Variants in UST observed in about 807,000 individuals in gnomAD.
UST encodes chondroitin sulfate 2-O-sulfotransferase.
A neutral mutation model predicts 45.6 loss-of-function variants in UST; 21 were observed. That is an observed-to-expected ratio of 0.46 (90% confidence interval 0.33 to 0.66). The LOEUF is 0.66. Ranked by LOEUF, UST falls within the 30% of genes least tolerant of loss-of-function variation. The pLI, the probability that UST is intolerant of heterozygous loss-of-function variation, is 0.02. For missense variants in UST, 463 were observed against 512.4 expected (o/e 0.90, Z 0.93); for synonymous variants, 215 against 200.6 (o/e 1.07, Z -0.61).
chr6:148,943,663 T>A (rs1028641501), intron 3 of UST, among the ~76,000 whole-genome samples: 5 of 152,218 alleles, frequency 3.3e-5, no homozygotes, highest in Admixed American at 6.5e-5. Context: ...CTTTTAAGAT[T>A]CTTTCCAGCC....
intron 1 of UST, among the ~76,000 whole-genome samples, chr6:148,827,205 A>G (rs1054559514): frequency 9.2e-5 from 14 of 152,236 alleles, no homozygotes; most frequent in African/African-American, 3.4e-4. Context: ...GACAGTTCCA[A>G]TTATCATCAG....
At chr6:148,764,895 C>G (rs888982604) in intron 1 of UST, among the ~76,000 whole-genome samples, 1 of 152,158 alleles carries the variant, frequency 6.6e-6, no homozygotes, top group Non-Finnish European at 1.5e-5. Flanking sequence ...CTAATCCTAG[C>G]AAGCCTGGGG....
At chr6:148,925,127 A>G (rs1353136865) in intron 2 of UST, among the ~76,000 whole-genome samples, 2 of 152,220 alleles carry the variant, frequency 1.3e-5, no homozygotes, top group African/African-American at 2.4e-5. Flanking sequence ...TGTACTAAAC[A>G]TGATTTTTAC....
At chr6:148,941,463 G>GTGTTTTTTCAGAGCC in intron 3 of UST, 29 bp downstream of exon 3, 1 of 1,570,524 alleles carries the variant, frequency 6.4e-7, no homozygotes, top group South Asian at 1.2e-5. Flanking sequence ...TTGTTAAATT[G>GTGTTTTTTCAGAGCC]TGTTTTGCTT....
chr6:148,806,905 T>G (rs561317311), intron 1 of UST, among the ~76,000 whole-genome samples: 1 of 152,292 alleles, frequency 6.6e-6, no homozygotes, highest in South Asian at 2.1e-4. Context: ...TATGGCGGCA[T>G]TAACCTATTC....
At chr6:149,015,326 G>A (rs1032520020) in intron 5 of UST, among the ~76,000 whole-genome samples, 1 of 152,242 alleles carries the variant, frequency 6.6e-6, no homozygotes, top group African/African-American at 2.4e-5. Context: ...TTTTTGTACA[G>A]TGTTGGCAAT....
intron 1 of UST, among the ~76,000 whole-genome samples, chr6:148,758,305 T>G (rs2114651934): frequency 6.6e-6 from 1 of 152,344 alleles, no homozygotes; most frequent in Non-Finnish European, 1.5e-5. Context: ...CCTTCCTGCT[T>G]CTTCTCTTCT....
At chr6:149,049,931 T>TCTCACACACACACA (rs1475301439) in intron 7 of UST, among the ~76,000 whole-genome samples, 8 of 134,546 alleles carry the variant, frequency 5.9e-5, no homozygotes, top group African/African-American at 2.3e-4. Flanking sequence ...TCTCTCTCTC[T>TCTCACACACACACA]CACACACACA....
intron 3 of UST, among the ~76,000 whole-genome samples, chr6:148,945,012 C>A (rs1473479602): frequency 6.6e-6 from 1 of 152,188 alleles, no homozygotes; most frequent in African/African-American, 2.4e-5. Context: ...CAGAGTGCTG[C>A]AGGTGTATTA....
intron 1 of UST, among the ~76,000 whole-genome samples, chr6:148,765,161 G>A (rs1776299030): frequency 6.6e-6 from 1 of 152,124 alleles, no homozygotes; most frequent in Admixed American, 6.5e-5. Context: ...TTCTTAAGGT[G>A]CCCAGATTTC....
intron 2 of UST, among the ~76,000 whole-genome samples, chr6:148,890,144 G>A (rs1221677766): frequency 6.6e-6 from 1 of 152,166 alleles, no homozygotes; most frequent in Non-Finnish European, 1.5e-5. Flanking sequence ...GATTTTCTAA[G>A]CAGTAGCCAT....
chr6:149,018,417 A>C (rs1178448303), intron 5 of UST, among the ~76,000 whole-genome samples: 1 of 152,194 alleles, frequency 6.6e-6, no homozygotes, highest in African/African-American at 2.4e-5. Flanking sequence ...GAAATACCTG[A>C]GAATGAGGCA....
At chr6:148,761,523 CAA>C (rs11386317) in intron 1 of UST, among the ~76,000 whole-genome samples, 3 of 144,910 alleles carry the variant, frequency 2.1e-5, no homozygotes, top group African/African-American at 5.0e-5. Context: ...GACAACGTGC[CAA>C]AAAAAAAAAA....
At chr6:148,993,889 C>A (rs1781400196) in intron 5 of UST, among the ~76,000 whole-genome samples, 1 of 152,044 alleles carries the variant, frequency 6.6e-6, no homozygotes, top group African/African-American at 2.4e-5. Flanking sequence ...TCCTGCACAG[C>A]CTGCAGATCA....
chr6:148,940,878 C>T (rs1310506531), intron 2 of UST, among the ~76,000 whole-genome samples: 1 of 152,124 alleles, frequency 6.6e-6, no homozygotes, highest in East Asian at 1.9e-4. Context: ...TCTATTATTG[C>T]ATTTTAAGAG....
chr6:148,906,536 C>A (rs1779364040), intron 2 of UST, among the ~76,000 whole-genome samples: 1 of 152,126 alleles, frequency 6.6e-6, no homozygotes, highest in Admixed American at 6.5e-5. Flanking sequence ...ACACAATGGT[C>A]ACTGAGGAGA....
chr6:148,991,530 GCCCCGGTGTGTGATGTTCCCCA>G (rs1424238979), intron 5 of UST, among the ~76,000 whole-genome samples: 1 of 112,012 alleles, frequency 8.9e-6, no homozygotes, highest in African/African-American at 3.7e-5. Flanking sequence ...CCCACGACAG[GCCCCGGTGTGTGATGTTCCCCA>G]CCCTGTGTCC....
At chr6:148,875,871 G>A (rs74842959) in intron 1 of UST, among the ~76,000 whole-genome samples, 1 of 152,320 alleles carries the variant, frequency 6.6e-6, no homozygotes, top group African/African-American at 2.4e-5. Flanking sequence ...TGAGGAAGTA[G>A]CGACCATTTA....
In UST at chr6:149,005,185, TG is replaced by T. The variant is rs199813593; in HGVS notation, c.682-13951del. On this transcript the variant is annotated intron_variant, in intron 5 of 7. Coordinates refer to ENST00000367463, the MANE Select transcript of UST (RefSeq NM_005715.3). ...CAGGCGAAGCAGAGCTCTTCTGGCT[TG>T]GGTAGGGCAGGAGGTCTTGGAGCCC... The T allele has an allele frequency of 2.0e-3, 961 of 483,922 alleles. 10 individuals are homozygous for T. The highest frequency in any genetic ancestry group is 0.019 in the African/African-American group (893 of 47,578). 30.0% of individuals were successfully genotyped at this position (483,922 alleles called of 1,614,324 possible). A position where few individuals can be genotyped will look rare whatever the true frequency, so the allele number is the denominator to read the frequency against.
Sources: allele counts gnomAD v4.1 joint callset (sites outside exome capture counted in the v4.1 genomes callset), GRCh38; gene constraint gnomAD v4.1.1; transcripts MANE v1.5; gene names NCBI Gene and HGNC (gene_info 2026-07-23, HGNC 2026-07-21).